SYT16: variants seen among roughly 807,000 people sequenced by gnomAD.
SYT16 encodes the protein synaptotagmin-16.
A neutral mutation model predicts 61.4 loss-of-function variants in SYT16; 42 were observed. The observed-to-expected ratio is 0.68, with a 90% CI of 0.53 to 0.89. The LOEUF (loss-of-function observed/expected upper bound fraction) is 0.89. Among genes scored for constraint, SYT16 ranks in the 40% least tolerant of loss-of-function variants. The pLI is 0.00. For synonymous variants in SYT16, 314 were observed against 302.3 expected (o/e 1.04, Z -0.40); for missense variants, 804 against 807.3 (o/e 1.00, Z 0.05).
intron 3 of SYT16, among the ~76,000 whole-genome samples, chr14:62,048,838 G>C (rs565567138): frequency 2.6e-5 from 4 of 152,332 alleles, no homozygotes; most frequent in East Asian, 1.9e-4. Context: ...TGTGGTCTGA[G>C]AGACAATTTT....
intron 5 of SYT16, 50 bp from the exon 6 acceptor site, chr14:62,080,784 A>T (rs1163825195): frequency 6.5e-7 from 1 of 1,536,922 alleles, no homozygotes. Context: ...GCCAAAATGT[A>T]ATTGGGTATC....
chr14:61,941,418 A>G (rs2050204974), intron 1 of SYT16, among the ~76,000 whole-genome samples: 3 of 152,188 alleles, frequency 2.0e-5, no homozygotes, highest in South Asian at 4.1e-4. Context: ...GAAGGGTGAC[A>G]GTTTCAGTTG....
intron 1 of SYT16, among the ~76,000 whole-genome samples, chr14:61,953,428 G>C (rs2050748993): frequency 6.6e-6 from 1 of 151,940 alleles, no homozygotes; most frequent in South Asian, 2.1e-4. Flanking sequence ...TGCCTGCCAA[G>C]TAGTTCTAGA....
intron 2 of SYT16, 200 bp from the exon 3 acceptor site, chr14:61,995,676 T>C (rs902082932): frequency 1.5e-5 from 3 of 198,710 alleles, no homozygotes; most frequent in African/African-American, 7.0e-5. Flanking sequence ...ATGGAAGTTT[T>C]CCACATGGCT....
intron 3 of SYT16, among the ~76,000 whole-genome samples, chr14:62,055,308 A>G (rs913911794): frequency 8.5e-5 from 13 of 152,330 alleles, no homozygotes; most frequent in South Asian, 4.1e-4. Context: ...CAGAGCTTAA[A>G]AGAGTCAGAG....
chr14:62,017,469 A>G (rs373297323), intron 3 of SYT16, among the ~76,000 whole-genome samples: 1 of 152,162 alleles, frequency 6.6e-6, no homozygotes, highest in Non-Finnish European at 1.5e-5. Flanking sequence ...AGTGTGTCCA[A>G]ATCTGAATTT....
intron 1 of SYT16, among the ~76,000 whole-genome samples, chr14:61,944,649 A>G (rs1213256236): frequency 2.0e-5 from 3 of 152,212 alleles, no homozygotes; most frequent in African/African-American, 4.8e-5. Context: ...AGGATTCCCT[A>G]TTTAAAAAAC....
intron 5 of SYT16, among the ~76,000 whole-genome samples, chr14:62,078,140 T>G (rs2056567726): frequency 7.9e-6 from 1 of 127,026 alleles, no homozygotes; most frequent in South Asian, 2.5e-4. Context: ...GCTCTCTCGC[T>G]CTCTCTCTCT....
At chr14:61,920,665 C>T (rs1030536771) in intron 1 of SYT16, among the ~76,000 whole-genome samples, 1 of 152,170 alleles carries the variant, frequency 6.6e-6, no homozygotes, top group Non-Finnish European at 1.5e-5. Flanking sequence ...CCTGATTTCT[C>T]TCACTCCCAA....
intron 1 of SYT16, among the ~76,000 whole-genome samples, chr14:61,955,031 G>A (rs967698480): frequency 6.6e-6 from 1 of 151,846 alleles, no homozygotes; most frequent in Non-Finnish European, 1.5e-5. Context: ...TGTTTTCAAG[G>A]TTCACCCATA....
At chr14:62,078,581 G>A (rs553000156) in intron 5 of SYT16, among the ~76,000 whole-genome samples, 3 of 152,176 alleles carry the variant, frequency 2.0e-5, no homozygotes, top group South Asian at 2.1e-4. Flanking sequence ...ACAAAAGTGC[G>A]AGACAAGGGA....
At chr14:62,068,224 T>A (rs1275157331) in intron 3 of SYT16, among the ~76,000 whole-genome samples, 5 of 150,758 alleles carry the variant, frequency 3.3e-5, no homozygotes, top group African/African-American at 9.9e-5. Flanking sequence ...ATTTTTATAT[T>A]GACAATGAAA....
At chr14:62,035,233 A>G (rs1327068112) in intron 3 of SYT16, among the ~76,000 whole-genome samples, 2 of 152,154 alleles carry the variant, frequency 1.3e-5, no homozygotes, top group African/African-American at 2.4e-5. Context: ...GTTTTAGCAT[A>G]TATTCCAGAA....
At chr14:62,092,225 C>CACACACACAT (rs1365679417) in intron 7 of SYT16, among the ~76,000 whole-genome samples, 5 of 140,838 alleles carry the variant, frequency 3.6e-5, no homozygotes, top group South Asian at 4.7e-4. Context: ...CACACACACA[C>CACACACACAT]ACTAACAAGT....
chr14:61,898,948 T>G (rs2048418870), intron 1 of SYT16, among the ~76,000 whole-genome samples: 1 of 152,218 alleles, frequency 6.6e-6, no homozygotes, highest in Non-Finnish European at 1.5e-5. Context: ...TTTTTCATAT[T>G]GGGCAGAATG....
chr14:61,940,614 G>C (rs1338882704), intron 1 of SYT16, among the ~76,000 whole-genome samples: 1 of 152,192 alleles, frequency 6.6e-6, no homozygotes, highest in Non-Finnish European at 1.5e-5. Context: ...ACCCCTGTCA[G>C]ATTTAAATGA....
chr14:61,963,141 C>A (rs540248518), intron 1 of SYT16, among the ~76,000 whole-genome samples: 44 of 152,242 alleles, frequency 2.9e-4, no homozygotes, highest in African/African-American at 9.9e-4. Flanking sequence ...CCTTGAGACA[C>A]AACAATATTA....
intron 1 of SYT16, among the ~76,000 whole-genome samples, chr14:61,861,443 C>T (rs554630674): frequency 2.0e-5 from 3 of 152,320 alleles, no homozygotes; most frequent in African/African-American, 7.2e-5. Context: ...GACAGGGTCT[C>T]CCTCTGTTGC....
chr14:62,013,059 T>C (rs1421247936), intron 3 of SYT16, among the ~76,000 whole-genome samples: 5 of 152,244 alleles, frequency 3.3e-5, no homozygotes, highest in Non-Finnish European at 7.3e-5. Context: ...AGTAGTTATC[T>C]ATATAGTAGT....
Sources: allele counts gnomAD v4.1 joint callset (sites outside exome capture counted in the v4.1 genomes callset), GRCh38; gene constraint gnomAD v4.1.1; transcripts MANE v1.5; gene names NCBI Gene and HGNC (gene_info 2026-07-23, HGNC 2026-07-21).